PDCD2L: variants seen among roughly 807,000 people sequenced by gnomAD.
PDCD2L encodes the protein programmed cell death 2 like, also known as uS5 assembly chaperone PDCD2L.
In PDCD2L, 44 loss-of-function variants were observed where a neutral mutation model predicts 40.4. The ratio of observed to expected loss-of-function variants is 1.09; its 90% confidence interval spans 0.86 to 1.40. PDCD2L has a LOEUF of 1.40. Ranked by LOEUF, PDCD2L falls within the 40% of genes most tolerant of loss-of-function variation. PDCD2L has a pLI of 0.00. For synonymous variants in PDCD2L, 194 were observed against 174.6 expected (o/e 1.11, Z -0.88); for missense variants, 470 against 453.7 (o/e 1.04, Z -0.33).
chr19:34,411,128 T>A (rs1199677932), intron 4 of PDCD2L, among the ~76,000 whole-genome samples: 3 of 151,220 alleles, frequency 2.0e-5, no homozygotes, highest in Non-Finnish European at 2.9e-5. Flanking sequence ...TATTTGCTTA[T>A]TTTTGGTGGG....
intron 6 of PDCD2L, chr19:34,422,174 GTC>G (rs950644140): frequency 6.8e-6 from 1 of 146,452 alleles, no homozygotes; most frequent in African/African-American, 2.5e-5. Context: ...TTGAGATGGA[GTC>G]TCTCTCTGTC....
chr19:34,419,613 G>GTTA (rs2075140311), intron 5 of PDCD2L, among the ~76,000 whole-genome samples: 1 of 151,450 alleles, frequency 6.6e-6, no homozygotes, highest in African/African-American at 2.4e-5. Context: ...AAGTGCTAGG[G>GTTA]TTATAGGCAT....
At chr19:34,423,848 G>A (rs1312816066) in intron 6 of PDCD2L, among the ~76,000 whole-genome samples, 2 of 152,276 alleles carry the variant, frequency 1.3e-5, no homozygotes, top group East Asian at 3.9e-4. Flanking sequence ...AATGGATTCA[G>A]TGTTTATCAC....
chr19:34,418,806 C>T (rs1449942849), intron 5 of PDCD2L, among the ~76,000 whole-genome samples: 1 of 152,124 alleles, frequency 6.6e-6, no homozygotes, highest in African/African-American at 2.4e-5. Context: ...TAATTTTAGC[C>T]ATTTAAGAAG....
At chr19:34,419,103 C>T (rs117970107) in intron 5 of PDCD2L, among the ~76,000 whole-genome samples, 2,236 of 152,086 alleles carry the variant, frequency 0.015, 25 homozygotes, top group South Asian at 0.025. Context: ...TTTTTTAACA[C>T]GGAATATGCA....
chr19:34,414,389 C>G (rs1164562914), intron 5 of PDCD2L, among the ~76,000 whole-genome samples: 1 of 148,834 alleles, frequency 6.7e-6, no homozygotes, highest in African/African-American at 2.5e-5. Flanking sequence ...GTTGGCCAGA[C>G]TGGTCTCGAA....
chr19:34,420,927 A>G (rs1472192252), intron 5 of PDCD2L, among the ~76,000 whole-genome samples: 1 of 152,118 alleles, frequency 6.6e-6, no homozygotes, highest in African/African-American at 2.4e-5. Context: ...GATGTGGGGC[A>G]TGGTTTTGGG....
At chr19:34,424,036 C>T (rs1462148470) in intron 6 of PDCD2L, among the ~76,000 whole-genome samples, 2 of 152,004 alleles carry the variant, frequency 1.3e-5, no homozygotes, top group African/African-American at 4.8e-5. Context: ...ATCCCACTTT[C>T]TCTTTTCAGA....
chr19:34,414,750 A>G lies in PDCD2L; in HGVS notation c.797+903A>G, dbSNP rs960015648. ...AGCCATCCACCTGCCTTGGCTTCCC[A>G]GAGTTTGTTCTAGGATTACAGGCAT... On this transcript the variant is annotated intron_variant, in intron 5 of 6. Transcript: ENST00000246535. Among the ~76,000 whole-genome samples the G allele has an allele frequency of 2.6e-5, 4 of 151,866 alleles. No homozygotes were observed. In the South Asian group the frequency reaches 6.2e-4, roughly 24 times the overall value.
chr19:34,417,636 A>T (rs2075132005), intron 5 of PDCD2L, among the ~76,000 whole-genome samples: 4 of 151,968 alleles, frequency 2.6e-5, no homozygotes, highest in Admixed American at 2.6e-4. Context: ...AAAGTTAAGG[A>T]ACATAATAGA....
Position 34,417,204 on chromosome 19 carries a change from C to A in PDCD2L, c.797+3357C>A, listed in dbSNP as rs547824040. Among the ~76,000 whole-genome samples the A allele has an allele frequency of 2.0e-5, 3 of 152,228 alleles. No individual in the cohort carries two copies. The East Asian group carries it at 5.8e-4, about 29-fold the overall frequency. ...TATAAGAACTTCATAAGAATGGATT[C>A]CATAAAACAAGAGCTCAAAGGTGAG... On this transcript the variant is annotated intron_variant, in intron 5 of 6. Coordinates refer to ENST00000246535, the MANE Select transcript of PDCD2L (RefSeq NM_032346.2).
chr19:34,425,097 T>A lies in PDCD2L; in HGVS notation c.947-893T>A, dbSNP rs1044848559. On this transcript the variant is annotated intron_variant, in intron 6 of 6. Transcript: ENST00000246535. Reference sequence around the variant, plus strand: ...TGTATTTCTCCTTTGCTGCTGCAAATCATTGCCTACGTCATCCTCTTGACT... The same window carrying A: ...TGTATTTCTCCTTTGCTGCTGCAAAACATTGCCTACGTCATCCTCTTGACT... Among the ~76,000 whole-genome samples, 5 of 152,262 alleles carry A rather than the reference T, an allele frequency of 3.3e-5. No homozygotes were observed. In the South Asian group the frequency reaches 1.0e-3, roughly 32 times the overall value.
chr19:34,425,015 G>A (rs2075170029), intron 6 of PDCD2L, among the ~76,000 whole-genome samples: 1 of 151,932 alleles, frequency 6.6e-6, no homozygotes, highest in Admixed American at 6.6e-5. Flanking sequence ...CAATGTGCTG[G>A]GATTACAAGC....
In PDCD2L at chr19:34,404,493, C is replaced by T. The variant is rs1268367752; in HGVS notation, c.63C>T (p.Pro21=). Reference sequence around the variant, plus strand: ...GAGATGCGCCGGTGCACGGCAGCCCCACAGGGCCGGGTGCCTGGACTGCTA... The same window carrying T: ...GAGATGCGCCGGTGCACGGCAGCCCTACAGGGCCGGGTGCCTGGACTGCTA... The part of the protein sequence containing the change: ...GLRDAPVHGS[P]TGPGAWTASK... Residue 21 remains proline (P), a synonymous_variant, in exon 1 of 7, where the codon CCC becomes CCT. Transcript: ENST00000246535. 5.2e-6 allele frequency: 8 copies of T among 1,543,452 alleles called. No homozygotes were observed. Among genetic ancestry groups the T allele is most frequent in the Non-Finnish European group, 7.0e-6 (8 of 1,146,888 alleles).
chr19:34,410,063 A>G (rs1036564621), intron 4 of PDCD2L, among the ~76,000 whole-genome samples: 4 of 151,318 alleles, frequency 2.6e-5, no homozygotes, highest in African/African-American at 9.7e-5. Context: ...GGCTTTATAA[A>G]CCAAAGCTCT....
intron 5 of PDCD2L, 73 bp from the exon 6 acceptor site, chr19:34,421,446 C>G: frequency 1.3e-6 from 2 of 1,535,922 alleles, no homozygotes; most frequent in Non-Finnish European, 1.8e-6. Flanking sequence ...AGAAAGGTTG[C>G]AAAGCATGGC....
At chr19:34,404,879 C>T (rs1235485257) in intron 2 of PDCD2L, 51 bp from the exon 3 acceptor site, 2 of 1,610,816 alleles carry the variant, frequency 1.2e-6, no homozygotes, top group Non-Finnish European at 1.7e-6. Context: ...GGCGGGCCGG[C>T]GGGCTGGAGT....
At chr19:34,422,860 C>T (rs183064063) in intron 6 of PDCD2L, among the ~76,000 whole-genome samples, 15 of 151,926 alleles carry the variant, frequency 9.9e-5, no homozygotes, top group African/African-American at 3.1e-4. Context: ...GGACTACAGG[C>T]GCCCGCAACC....
chr19:34,414,502 T>TTTG (rs1568359777), intron 5 of PDCD2L, among the ~76,000 whole-genome samples: 1 of 110,712 alleles, frequency 9.0e-6, no homozygotes, highest in African/African-American at 3.1e-5. Flanking sequence ...TTTTTTTTTT[T>TTTG]GGGGGCAGGG....
Sources: allele counts gnomAD v4.1 joint callset (sites outside exome capture counted in the v4.1 genomes callset), GRCh38; gene constraint gnomAD v4.1.1; transcripts MANE v1.5; gene names NCBI Gene and HGNC (gene_info 2026-07-23, HGNC 2026-07-21).